Variants in TCF7L2 observed in about 807,000 individuals in gnomAD.
TCF7L2 encodes the protein transcription factor 7-like 2.
TCF7L2 carries 23 observed loss-of-function variants against 77.9 expected under a neutral mutation model. That is an observed-to-expected ratio of 0.30 (90% confidence interval 0.21 to 0.42). TCF7L2 has a LOEUF of 0.42. Ranked by LOEUF, TCF7L2 falls within the 10% of genes least tolerant of loss-of-function variation. The pLI is 1.00. For synonymous variants in TCF7L2, 413 were observed against 340.2 expected (o/e 1.21, Z -2.36); for missense variants, 654 against 793.1 (o/e 0.82, Z 2.11).
At chr10:112,980,396 T>C (rs1326676144) in intron 4 of TCF7L2, among the ~76,000 whole-genome samples, 1 of 152,170 alleles carries the variant, frequency 6.6e-6, no homozygotes, top group African/African-American at 2.4e-5. Context: ...TATAAATATA[T>C]AGCAAAAGAC....
At chr10:113,077,868 T>C (rs1303394355) in intron 5 of TCF7L2, among the ~76,000 whole-genome samples, 6 of 94,094 alleles carry the variant, frequency 6.4e-5, no homozygotes, top group Non-Finnish European at 2.1e-5. Context: ...CTTATTTATT[T>C]ATTTATTTAT....
At chr10:113,097,305 G>A (rs1224022535) in intron 5 of TCF7L2, among the ~76,000 whole-genome samples, 1 of 152,142 alleles carries the variant, frequency 6.6e-6, no homozygotes, top group African/African-American at 2.4e-5. Context: ...CTGTGTGTAG[G>A]TTGTCACAAC....
chr10:112,967,619 A>G (rs1336392447), intron 4 of TCF7L2, among the ~76,000 whole-genome samples: 1 of 150,400 alleles, frequency 6.6e-6, no homozygotes. Context: ...AAATGAAACT[A>G]GAAAGAAAAT....
intron 5 of TCF7L2, among the ~76,000 whole-genome samples, chr10:113,067,247 C>G (rs1387902257): frequency 6.6e-6 from 1 of 152,156 alleles, no homozygotes; most frequent in Admixed American, 6.5e-5. Flanking sequence ...AGGAGGGGCT[C>G]CAGAAGGACC....
intron 5 of TCF7L2, among the ~76,000 whole-genome samples, chr10:113,118,141 C>T (rs1412878475): frequency 5.3e-5 from 8 of 152,066 alleles, no homozygotes; most frequent in Non-Finnish European, 1.0e-4. Flanking sequence ...TTTTAATTTT[C>T]TGGCCAGGGG....
intron 4 of TCF7L2, among the ~76,000 whole-genome samples, chr10:113,011,349 G>T (rs189627777): frequency 2.6e-5 from 4 of 152,290 alleles, no homozygotes; most frequent in African/African-American, 9.6e-5. Context: ...GTAGTGGGGG[G>T]TTTCCAAGCT....
intron 4 of TCF7L2, among the ~76,000 whole-genome samples, chr10:113,008,082 G>A (rs890485215): frequency 8.5e-5 from 13 of 152,344 alleles, no homozygotes; most frequent in African/African-American, 2.2e-4. Flanking sequence ...GCGACCCATC[G>A]TCTTCTCCAC....
At chr10:113,061,742 G>C (rs1208386795) in intron 5 of TCF7L2, among the ~76,000 whole-genome samples, 1 of 152,162 alleles carries the variant, frequency 6.6e-6, no homozygotes, top group Non-Finnish European at 1.5e-5. Flanking sequence ...GAACTGTACA[G>C]TTCACGTTCT....
chr10:113,141,463 G>A, intron 6 of TCF7L2, 147 bp downstream of exon 6: 1 of 1,179,422 alleles, frequency 8.5e-7, no homozygotes. Flanking sequence ...TTTTCTGGGT[G>A]TTGAAAAGGA....
At chr10:113,041,527 C>A (rs1199306850) in intron 5 of TCF7L2, among the ~76,000 whole-genome samples, 1 of 152,154 alleles carries the variant, frequency 6.6e-6, no homozygotes, top group African/African-American at 2.4e-5. Flanking sequence ...CTTTCCAGAG[C>A]CTTGTGATGT....
Position 113,062,216 on chromosome 10 carries a change from T to C in TCF7L2, c.552+22090T>C, listed in dbSNP as rs530822059. Reference sequence around the variant, plus strand: ...TATCACCTCTTCCAAGGCTAAAGTTTGGAGCCACTTGCAGAAGGCTCTCCT... The same window carrying C: ...TATCACCTCTTCCAAGGCTAAAGTTCGGAGCCACTTGCAGAAGGCTCTCCT... On this transcript the variant is annotated intron_variant, in intron 5 of 13. Transcript: ENST00000627217. Among the ~76,000 whole-genome samples, 12 of 152,194 alleles carry C rather than the reference T, an allele frequency of 7.9e-5. No homozygotes were observed. The South Asian group carries it at 1.0e-3, about 13-fold the overall frequency.
At chr10:113,133,170 C>A (rs1020673347) in intron 5 of TCF7L2, 1 of 152,200 alleles carries the variant, frequency 6.6e-6, no homozygotes, top group African/African-American at 2.4e-5. Flanking sequence ...GAATGCACAG[C>A]TTTACTGGGT....
intron 5 of TCF7L2, among the ~76,000 whole-genome samples, chr10:113,046,981 C>T (rs562721886): frequency 1.1e-4 from 16 of 152,280 alleles, no homozygotes; most frequent in African/African-American, 3.6e-4. Context: ...AGCACTTCCC[C>T]ATGTCATTAA....
intron 1 of TCF7L2, 73 bp from the exon 2 acceptor site, chr10:112,951,134 C>G (rs2030951134): frequency 3.1e-6 from 4 of 1,286,068 alleles, no homozygotes; most frequent in Middle Eastern, 1.9e-4. Flanking sequence ...CTCGCCGATT[C>G]TTTTTCTCCC....
intron 5 of TCF7L2, among the ~76,000 whole-genome samples, chr10:113,049,472 A>T (rs535971390): frequency 6.6e-6 from 1 of 151,896 alleles, no homozygotes; most frequent in South Asian, 2.1e-4. Flanking sequence ...TCTACCTTCA[A>T]AGCGTGTGTG....
chr10:113,107,073 C>T (rs576090496), intron 5 of TCF7L2, among the ~76,000 whole-genome samples: 13 of 152,302 alleles, frequency 8.5e-5, no homozygotes, highest in East Asian at 5.8e-4. Flanking sequence ...GGAAACAAGC[C>T]GGTGCCCTGG....
chr10:112,981,463 G>A (rs2040459496), intron 4 of TCF7L2, among the ~76,000 whole-genome samples: 1 of 152,174 alleles, frequency 6.6e-6, no homozygotes, highest in African/African-American at 2.4e-5. Flanking sequence ...TTTAGGAAAA[G>A]CATCAAGTTA....
At chr10:113,079,267 A>G (rs1368704736) in intron 5 of TCF7L2, among the ~76,000 whole-genome samples, 1 of 152,176 alleles carries the variant, frequency 6.6e-6, no homozygotes, top group Non-Finnish European at 1.5e-5. Context: ...CCTAGGCATG[A>G]TGATGCTCTG....
At chr10:113,105,997 T>C (rs1412372880) in intron 5 of TCF7L2, among the ~76,000 whole-genome samples, 6 of 152,310 alleles carry the variant, frequency 3.9e-5, no homozygotes, top group Non-Finnish European at 8.8e-5. Flanking sequence ...GGTAAGGAGA[T>C]AGTAAGAAGA....
Sources: gnomAD v4.1 joint callset for allele counts (sites outside exome capture counted in the v4.1 genomes callset) on GRCh38, gnomAD v4.1.1 for gene constraint, MANE v1.5 for transcripts, NCBI Gene and HGNC (gene_info 2026-07-23, HGNC 2026-07-21) for gene names.